Variants in CDK14 observed in about 807,000 individuals in gnomAD.
CDK14 encodes cyclin dependent kinase 14, also known as cyclin-dependent kinase 14.
A neutral mutation model predicts 60.7 loss-of-function variants in CDK14; 34 were observed. The observed-to-expected ratio is 0.56, with a 90% CI of 0.43 to 0.75. CDK14 has a LOEUF of 0.75. CDK14 is among the 30% of genes least tolerant of loss of function. CDK14 has a pLI of 0.00. For missense variants in CDK14, 482 were observed against 564.1 expected, an observed-to-expected ratio of 0.85 and a Z score of 1.47; for synonymous variants, 197 against 203.7, an observed-to-expected ratio of 0.97 and a Z score of 0.28.
chr7:91,152,784 G>C (rs1800861141), intron 14 of CDK14, among the ~76,000 whole-genome samples: 1 of 152,166 alleles, frequency 6.6e-6, no homozygotes, highest in Non-Finnish European at 1.5e-5. Context: ...AGCAACTCAG[G>C]TTAGCATGTC....
chr7:90,839,180 GA>G (rs1182738925), intron 5 of CDK14, among the ~76,000 whole-genome samples: 1 of 152,186 alleles, frequency 6.6e-6, no homozygotes, highest in Non-Finnish European at 1.5e-5. Flanking sequence ...AAGTTTTGTA[GA>G]AAATTTGGGT....
intron 5 of CDK14, among the ~76,000 whole-genome samples, chr7:90,854,352 A>G (rs1790749727): frequency 1.3e-5 from 2 of 152,022 alleles, no homozygotes; most frequent in Admixed American, 6.6e-5. Flanking sequence ...CATCTCTACA[A>G]ATAACTAGAA....
chr7:90,654,233 G>A (rs746608572), intron 2 of CDK14, among the ~76,000 whole-genome samples: 1 of 152,152 alleles, frequency 6.6e-6, no homozygotes, highest in Non-Finnish European at 1.5e-5. Flanking sequence ...TCCCTACCCT[G>A]AGGAATTTAT....
chr7:91,063,650 A>G (rs953723620), intron 11 of CDK14, among the ~76,000 whole-genome samples: 1 of 152,210 alleles, frequency 6.6e-6, no homozygotes, highest in Admixed American at 6.5e-5. Context: ...CCACTAGTGT[A>G]TTAGAATCAC....
chr7:90,815,670 A>G (rs1345075271), intron 5 of CDK14, among the ~76,000 whole-genome samples: 1 of 152,250 alleles, frequency 6.6e-6, no homozygotes, highest in Non-Finnish European at 1.5e-5. Flanking sequence ...ACCAATCCAA[A>G]TGCCCATCAA....
intron 5 of CDK14, among the ~76,000 whole-genome samples, chr7:90,799,717 A>AGC (rs1788566475): frequency 7.2e-6 from 1 of 139,690 alleles, no homozygotes; most frequent in African/African-American, 2.6e-5. Context: ...AAAAAAAAAA[A>AGC]GCTGAACCTG....
intron 12 of CDK14, among the ~76,000 whole-genome samples, chr7:91,102,154 T>G (rs1799162932): frequency 6.6e-6 from 1 of 152,156 alleles, no homozygotes; most frequent in Non-Finnish European, 1.5e-5. Flanking sequence ...ATGTGCACTG[T>G]CAATTGAAGG....
intron 14 of CDK14, among the ~76,000 whole-genome samples, chr7:91,196,000 C>T (rs1802526997): frequency 6.6e-6 from 1 of 152,170 alleles, no homozygotes; most frequent in South Asian, 2.1e-4. Context: ...GCAAGAATGC[C>T]CTTCTTTCTC....
chr7:91,052,887 A>G (rs964872637), intron 11 of CDK14, among the ~76,000 whole-genome samples: 3 of 152,312 alleles, frequency 2.0e-5, no homozygotes, highest in Middle Eastern at 3.4e-3. Context: ...ATTGGAGGCA[A>G]TTGGGGAATG....
At chr7:90,917,806 G>A in intron 8 of CDK14, 82 bp downstream of exon 8, 1 of 1,352,962 alleles carries the variant, frequency 7.4e-7, no homozygotes, top group Middle Eastern at 1.9e-4. Context: ...TTGTTTAGGT[G>A]CACTTCTTCT....
At chr7:90,999,899 A>G (rs1795794297) in intron 10 of CDK14, among the ~76,000 whole-genome samples, 1 of 152,208 alleles carries the variant, frequency 6.6e-6, no homozygotes. Context: ...ATTATTACTT[A>G]GTAGTATAAC....
At chr7:91,100,036 G>A (rs1799107648) in intron 12 of CDK14, among the ~76,000 whole-genome samples, 1 of 152,044 alleles carries the variant, frequency 6.6e-6, no homozygotes, top group South Asian at 2.1e-4. Flanking sequence ...TTACTGCTTT[G>A]TTGAAGTAAA....
chr7:91,178,444 A>G (rs1243006182), intron 14 of CDK14, among the ~76,000 whole-genome samples: 2 of 139,174 alleles, frequency 1.4e-5, no homozygotes, highest in Admixed American at 7.4e-5. Context: ...TGGCAACAAA[A>G]GCCAAAATTG....
intron 11 of CDK14, among the ~76,000 whole-genome samples, chr7:91,077,309 C>T (rs79079257): frequency 9.0e-4 from 137 of 152,224 alleles, no homozygotes; most frequent in African/African-American, 3.0e-3. Flanking sequence ...TGGAATACTA[C>T]GTAGCCATAA....
intron 2 of CDK14, among the ~76,000 whole-genome samples, chr7:90,653,333 T>C (rs574937819): frequency 7.2e-5 from 11 of 152,266 alleles, no homozygotes; most frequent in South Asian, 2.1e-4. Context: ...ATTACCTCTG[T>C]GACCCGTTTT....
At chr7:90,869,761 G>T (rs1013113688) in intron 6 of CDK14, among the ~76,000 whole-genome samples, 3 of 152,170 alleles carry the variant, frequency 2.0e-5, no homozygotes, top group Admixed American at 6.5e-5. Context: ...TTAAAAGTGG[G>T]CAGGAACAGC....
At chr7:91,192,233 C>G (rs1802385498) in intron 14 of CDK14, among the ~76,000 whole-genome samples, 1 of 152,128 alleles carries the variant, frequency 6.6e-6, no homozygotes, top group South Asian at 2.1e-4. Flanking sequence ...TACCACAGCC[C>G]TGAAATGACA....
intron 3 of CDK14, among the ~76,000 whole-genome samples, chr7:90,737,096 G>A (rs560627703): frequency 6.6e-6 from 1 of 152,280 alleles, no homozygotes; most frequent in East Asian, 1.9e-4. Flanking sequence ...CCTGTGTGGT[G>A]TTTAATACCG....
At chr7:91,052,034 A>G (rs1427375391) in intron 11 of CDK14, among the ~76,000 whole-genome samples, 1 of 152,236 alleles carries the variant, frequency 6.6e-6, no homozygotes, top group Non-Finnish European at 1.5e-5. Flanking sequence ...GAGGTTCTCC[A>G]GACCAGTAGA....
Sources: allele counts gnomAD v4.1 joint callset (sites outside exome capture counted in the v4.1 genomes callset), GRCh38; gene constraint gnomAD v4.1.1; transcripts MANE v1.5; gene names NCBI Gene and HGNC (gene_info 2026-07-23, HGNC 2026-07-21).